Variants in ARID4B observed in about 807,000 individuals in gnomAD.
ARID4B encodes AT-rich interactive domain-containing protein 4B.
Under a neutral mutation model 147.5 loss-of-function variants are expected in ARID4B, and 26 were observed. The ratio of observed to expected loss-of-function variants is 0.18; its 90% CI spans 0.13 to 0.24. ARID4B has a LOEUF of 0.24. ARID4B is among the 10% of genes least tolerant of loss of function. The pLI is 1.00. For synonymous variants in ARID4B, 512 were observed against 507.9 expected (o/e 1.01, Z -0.11); for missense variants, 1,179 against 1,511.5 (o/e 0.78, Z 3.65).
chr1:235,233,431 CA>C (rs1028495187), intron 9 of ARID4B, among the ~76,000 whole-genome samples: 8 of 150,770 alleles, frequency 5.3e-5, no homozygotes, highest in African/African-American at 1.9e-4. Flanking sequence ...AGACCCTCAC[CA>C]AAAAAATGAA....
At chr1:235,186,163 T>A (rs1664666086) in intron 19 of ARID4B, among the ~76,000 whole-genome samples, 3 of 152,070 alleles carry the variant, frequency 2.0e-5, no homozygotes, top group Admixed American at 2.0e-4. Context: ...GAGACAGGGT[T>A]TCACCGTGTT....
At chr1:235,313,332 G>C (rs537867127) in intron 2 of ARID4B, among the ~76,000 whole-genome samples, 1 of 137,702 alleles carries the variant, frequency 7.3e-6, no homozygotes, top group East Asian at 2.0e-4. Flanking sequence ...GCATGCCTAA[G>C]TTGAATTTTT....
chr1:235,233,393 A>G (rs1668362507), intron 9 of ARID4B, among the ~76,000 whole-genome samples: 2 of 152,130 alleles, frequency 1.3e-5, no homozygotes, highest in Non-Finnish European at 1.5e-5. Flanking sequence ...TGATCATGTC[A>G]CTGCACTCCA....
intron 17 of ARID4B, among the ~76,000 whole-genome samples, chr1:235,211,224 AG>A (rs1277948990): frequency 5.3e-5 from 8 of 152,070 alleles, no homozygotes; most frequent in African/African-American, 1.9e-4. Context: ...TCAGCTACTC[AG>A]GAGACTGAGG....
At chr1:235,198,658 T>C (rs1169023017) in intron 17 of ARID4B, among the ~76,000 whole-genome samples, 1 of 152,150 alleles carries the variant, frequency 6.6e-6, no homozygotes, top group African/African-American at 2.4e-5. Context: ...GTCAGAAAAA[T>C]GTTAAGTAGT....
At chr1:235,249,723 C>A (rs913713994) in intron 6 of ARID4B, among the ~76,000 whole-genome samples, 1 of 151,478 alleles carries the variant, frequency 6.6e-6, no homozygotes, top group African/African-American at 2.4e-5. Context: ...GGGCGTATCA[C>A]GAGGTCAAGA....
intron 7 of ARID4B, among the ~76,000 whole-genome samples, chr1:235,243,605 T>G (rs949259292): frequency 1.3e-5 from 2 of 152,120 alleles, no homozygotes; most frequent in East Asian, 3.8e-4. Context: ...TAACTCTAAT[T>G]AGTTGTAAAT....
intron 2 of ARID4B, among the ~76,000 whole-genome samples, chr1:235,294,154 C>T (rs1672521694): frequency 6.6e-6 from 1 of 151,942 alleles, no homozygotes; most frequent in African/African-American, 2.4e-5. Context: ...TCTAGTACCA[C>T]CTGGCCACCT....
chr1:235,309,366 C>A (rs1410596475), intron 2 of ARID4B, among the ~76,000 whole-genome samples: 26 of 151,150 alleles, frequency 1.7e-4, no homozygotes, highest in African/African-American at 5.6e-4. Flanking sequence ...CGGCAACCAC[C>A]CCGTCTGGGA....
intron 2 of ARID4B, among the ~76,000 whole-genome samples, chr1:235,281,443 C>T (rs573619755): frequency 2.2e-4 from 33 of 150,386 alleles, no homozygotes; most frequent in South Asian, 1.5e-3. Flanking sequence ...CCCAGCTACA[C>T]GGGAGGCTGA....
intron 8 of ARID4B, among the ~76,000 whole-genome samples, chr1:235,236,002 T>C (rs574119819): frequency 4.6e-5 from 7 of 151,424 alleles, no homozygotes; most frequent in Admixed American, 6.6e-5. Flanking sequence ...CACGACTCAA[T>C]GCAGCCTCAA....
intron 2 of ARID4B, among the ~76,000 whole-genome samples, chr1:235,266,641 G>C (rs919767846): frequency 2.6e-5 from 4 of 151,854 alleles, no homozygotes; most frequent in African/African-American, 9.7e-5. Flanking sequence ...TTTAAAATTA[G>C]CTATTAGTGG....
At chr1:235,226,308 A>G (rs1161638715) in intron 11 of ARID4B, among the ~76,000 whole-genome samples, 1 of 152,176 alleles carries the variant, frequency 6.6e-6, no homozygotes, top group Non-Finnish European at 1.5e-5. Flanking sequence ...GAAAAAATAG[A>G]CAATAAATAT....
chr1:235,250,586 C>G (rs567074358), intron 6 of ARID4B, among the ~76,000 whole-genome samples: 1 of 152,308 alleles, frequency 6.6e-6, no homozygotes, highest in Admixed American at 6.5e-5. Flanking sequence ...TCTCCTCCAA[C>G]AGGGAGTAAG....
At position 235,181,600 on chromosome 1, in the gene ARID4B, C is replaced by T. The variant is rs748645731; in HGVS notation, c.3319G>A (p.Glu1107Lys). 2 of 1,612,066 alleles carry T rather than the reference C, an allele frequency of 1.2e-6. No homozygotes were observed. The highest frequency in any genetic ancestry group is 1.1e-5 in the South Asian group (1 of 90,832). ...TCCTTCTCACCTTTTTCAGGATGTT[C>T]TGGTTCTGGCTGATTACTACTGCTT... ...SSSSSNQPEP[E>K]HPEKACTGQK... Residue 1107 changes from glutamate to lysine, a missense_variant, in exon 20 of 24, where the codon GAA (glutamate) becomes AAA (lysine). Coordinates refer to ENST00000264183, the MANE Select transcript of ARID4B (RefSeq NM_016374.6).
At chr1:235,238,143 CAAAA>C (rs533707841) in intron 8 of ARID4B, among the ~76,000 whole-genome samples, 1 of 80,918 alleles carries the variant, frequency 1.2e-5, no homozygotes, top group Admixed American at 1.4e-4. Context: ...AACTCCATCT[CAAAA>C]AAAAAAAAAA....
At chr1:235,249,959 T>C (rs1348408241) in intron 6 of ARID4B, among the ~76,000 whole-genome samples, 14 of 128,042 alleles carry the variant, frequency 1.1e-4, no homozygotes, top group Non-Finnish European at 3.3e-5. Flanking sequence ...AAAAAAAAAT[T>C]AGCCAGGCGT....
intron 2 of ARID4B, among the ~76,000 whole-genome samples, chr1:235,285,088 T>A (rs910561547): frequency 6.6e-6 from 1 of 152,082 alleles, no homozygotes; most frequent in Non-Finnish European, 1.5e-5. Context: ...TGACTTTTTT[T>A]AAAATTTATT....
intron 16 of ARID4B, among the ~76,000 whole-genome samples, chr1:235,217,799 T>C: frequency 6.6e-6 from 1 of 152,110 alleles, no homozygotes; most frequent in East Asian, 1.9e-4. Context: ...CACTGTAAAA[T>C]TTTCCACTGC....
Sources: allele counts gnomAD v4.1 joint callset (sites outside exome capture counted in the v4.1 genomes callset), GRCh38; gene constraint gnomAD v4.1.1; transcripts MANE v1.5; gene names NCBI Gene and HGNC (gene_info 2026-07-23, HGNC 2026-07-21).